Variants in SLC5A2 observed in about 807,000 individuals in gnomAD.
SLC5A2 encodes the protein sodium/glucose cotransporter 2.
In SLC5A2, 67 loss-of-function variants were observed where a neutral mutation model predicts 69.0. The observed-to-expected ratio is 0.97, with a 90% confidence interval of 0.80 to 1.19. SLC5A2 has a LOEUF of 1.19. SLC5A2 is among the 50% of genes most tolerant of loss of function. SLC5A2 has a pLI of 0.00. For synonymous variants in SLC5A2, 455 were observed against 395.8 expected (o/e 1.15, Z -1.78); for missense variants, 1,001 against 921.5 (o/e 1.09, Z -1.12).
At position 31,488,547 on chromosome 16, in the gene SLC5A2, G is replaced by A. The variant is rs1400067507; in HGVS notation, c.1129+57G>A. On this transcript the variant is annotated intron_variant, in intron 9 of 13. Transcript: ENST00000330498. ...TCGCTGCGGAGCCCGCTGCTGGGAG[G>A]GGTCGTCCCTCGCGCAGCTGCAGCC... is the stretch of plus-strand genomic sequence containing the variant. The A allele has an allele frequency of 3.1e-6, 5 of 1,602,950 alleles. No individual in the cohort carries two copies. In the African/African-American group the frequency reaches 4.0e-5, roughly 13 times the overall value.
chr16:31,486,337 G>T, intron 5 of SLC5A2, 62 bp downstream of exon 5: 1 of 1,320,456 alleles, frequency 7.6e-7, no homozygotes, highest in Non-Finnish European at 1.1e-6. Flanking sequence ...TGTGGCCAGG[G>T]TTTAGGGAGC....
At chr16:31,483,399 T>C in intron 1 of SLC5A2, 137 bp downstream of exon 1, 1 of 1,175,880 alleles carries the variant, frequency 8.5e-7, no homozygotes, top group Admixed American at 1.8e-5. Context: ...AAGCAGGTCT[T>C]TGGAAGTTCT....
intron 1 of SLC5A2, among the ~76,000 whole-genome samples, chr16:31,484,434 A>T (rs1339661490): frequency 3.3e-5 from 5 of 151,892 alleles, no homozygotes; most frequent in Non-Finnish European, 7.4e-5. Flanking sequence ...AAAATGAGAA[A>T]AAAAAAAAAA....
In SLC5A2 at chr16:31,487,683, T is replaced by C. The variant is rs2082508971; in HGVS notation, c.809T>C (p.Val270Ala). ...TCCTACCACCTGCTCCGGCACCCCG[T>C]GACCGGGGATCTGCCGTGGCCCGCG... ...PDSYHLLRHP[V>A]TGDLPWPALL... The change falls in exon 7 of 14, where the codon GTG becomes GCG. Residue 270 changes from valine (V) to alanine (A), a missense_variant. Physicochemically the swap from Val to Ala is moderately conservative, Grantham distance 64. Transcript: ENST00000330498. The C allele has an allele frequency of 6.2e-7, 1 of 1,613,606 alleles. No individual in the cohort carries two copies. Among genetic ancestry groups the C allele is most frequent in the Non-Finnish European group, 8.5e-7 (1 of 1,180,004 alleles).
At chr16:31,488,006 C>T (rs753547495) in intron 7 of SLC5A2, 32 bp from the exon 8 acceptor site, 8 of 1,609,408 alleles carry the variant, frequency 5.0e-6, no homozygotes, top group Non-Finnish European at 6.8e-6. Flanking sequence ...AGGGGAGGCC[C>T]GCAAGCGGGC....
intron 5 of SLC5A2, 147 bp from the exon 6 acceptor site, chr16:31,487,173 G>A (rs970429851): frequency 2.4e-6 from 2 of 820,048 alleles, no homozygotes; most frequent in Non-Finnish European, 4.1e-6. Context: ...TGGTGCCTGC[G>A]TGCATGAGCC....
chr16:31,485,066 G>T, intron 3 of SLC5A2, 143 bp downstream of exon 3: 1 of 796,846 alleles, frequency 1.3e-6, no homozygotes, highest in Admixed American at 2.0e-5. Flanking sequence ...GGGAGTGGAG[G>T]TCATACATCT....
Position 31,483,267 on chromosome 16 carries a change from GA to G in SLC5A2, c.126+7del. On this transcript the variant is annotated splice_donor_region_variant and intron_variant, in intron 1 of 13. Coordinates refer to ENST00000330498, the MANE Select transcript of SLC5A2 (RefSeq NM_003041.4). ...GTCATTGGCGTTGGCTTGTGGGTGA[GA>G]AGTTGGGGGGTGTGCTGCTGGTGGC... The G allele has an allele frequency of 6.2e-7, 1 of 1,613,952 alleles. No individual in the cohort carries two copies. Among genetic ancestry groups the G allele is most frequent in the Non-Finnish European group, 8.5e-7 (1 of 1,179,990 alleles).
Position 31,488,761 on chromosome 16 carries a change from G to T in SLC5A2, c.1269G>T (p.Leu423=), listed in dbSNP as rs537643888. Reference sequence around the variant, plus strand: ...CACGCGCCGGCGACCGCGAGCTGCTGCTGGTGGGACGGTGCGGCCTGGGCT... The same window carrying T: ...CACGCGCCGGCGACCGCGAGCTGCTTCTGGTGGGACGGTGCGGCCTGGGCT... ...LRPRAGDREL[L]LVGRLWVVFI... Residue 423 remains leucine (L), a synonymous_variant, in exon 10 of 14, where the codon CTG becomes CTT. Transcript: ENST00000330498. The T allele has an allele frequency of 1.6e-5, 26 of 1,603,432 alleles. No homozygotes were observed. In the South Asian group the frequency reaches 2.1e-4, roughly 13 times the overall value.
At position 31,488,637 on chromosome 16, in the gene SLC5A2, T is replaced by A; in HGVS notation, c.1145T>A (p.Met382Lys). The A allele has an allele frequency of 6.2e-7, 1 of 1,611,314 alleles. No homozygotes were observed. Among genetic ancestry groups the A allele is most frequent in the Non-Finnish European group, 8.5e-7 (1 of 1,179,038 alleles). Residue 382 changes from methionine (M) to lysine (K), a missense_variant, in exon 10 of 14, where the codon ATG becomes AAG. Coordinates refer to ENST00000330498, the MANE Select transcript of SLC5A2 (RefSeq NM_003041.4). ...KLMPNGLRGLMLAVMLAALMS... is the reference protein window; with the variant it reads ...KLMPNGLRGLKLAVMLAALMS... ...CGGCCCGCAGGTCTGCGCGGACTCA[T>A]GCTGGCGGTCATGCTGGCCGCGCTC...
chr16:31,484,227 TAC>T (rs537221545), intron 1 of SLC5A2, among the ~76,000 whole-genome samples: 1,612 of 138,726 alleles, frequency 0.012, 9 homozygotes, highest in Non-Finnish European at 0.013. Context: ...TCTACTAAAA[TAC>T]ACACACACAC....
At position 31,490,568 on chromosome 16, in the gene SLC5A2, C is replaced by T. The variant is rs199886583; in HGVS notation, c.*33C>T. The T allele has an allele frequency of 6.4e-7, 1 of 1,554,710 alleles. No individual in the cohort carries two copies. The highest frequency in any genetic ancestry group is 8.8e-7 in the Non-Finnish European group (1 of 1,135,762). On this transcript the variant is annotated 3_prime_UTR_variant, in exon 14 of 14. Transcript: ENST00000330498. ...TGCGTTGGACACCATAAGCCACAGC[C>T]TCACAGGAAGTGGGGGTGAGGAGCC...
rs1387189880 is a variant in SLC5A2 at position 31,489,015 on chromosome 16, G to A, written c.1416G>A (p.Val472=). The A allele has an allele frequency of 3.1e-6, 5 of 1,600,628 alleles. No homozygotes were observed. The East Asian group carries it at 8.9e-5, about 29-fold the overall frequency. The change falls in exon 11 of 14, where the codon GTG becomes GTA. Residue 472 remains valine (V), a synonymous_variant. Coordinates refer to ENST00000330498, the MANE Select transcript of SLC5A2 (RefSeq NM_003041.4). ...YLAPPVSAVF[V]LALFVPRVNE... ...CACCGCCCGTGTCCGCCGTCTTCGT[G>A]CTGGCGCTCTTCGTGCCGCGCGTTA...
At chr16:31,484,609 GA>G in intron 1 of SLC5A2, 63 bp from the exon 2 acceptor site, 1 of 1,506,370 alleles carries the variant, frequency 6.6e-7, no homozygotes, top group Non-Finnish European at 9.1e-7. Context: ...GGAATGTGTT[GA>G]GGTGGCTGAT....
At chr16:31,489,491 T>C (rs2142634401) in intron 12 of SLC5A2, 153 bp downstream of exon 12, 1 of 702,116 alleles carries the variant, frequency 1.4e-6, no homozygotes, top group Non-Finnish European at 2.5e-6. Flanking sequence ...AGCAAGAATT[T>C]TTATTTAAAT....
In SLC5A2 at chr16:31,483,271, T is replaced by A; in HGVS notation, c.126+9T>A. 1.9e-6 allele frequency: 3 copies of A among 1,609,988 alleles called. No homozygotes were observed. Among genetic ancestry groups the A allele is most frequent in the Non-Finnish European group, 2.5e-6 (3 of 1,178,008 alleles). On this transcript the variant is annotated intron_variant, in intron 1 of 13. Coordinates refer to ENST00000330498, the MANE Select transcript of SLC5A2 (RefSeq NM_003041.4). ...TTGGCGTTGGCTTGTGGGTGAGAAG[T>A]TGGGGGGTGTGCTGCTGGTGGCTGC... is the stretch of plus-strand genomic sequence containing the variant.
At position 31,490,461 on chromosome 16, in the gene SLC5A2, T is replaced by G; in HGVS notation, c.1945T>G (p.Trp649Gly). The stretch of plus-strand genomic sequence containing the variant: ...GGAGGACATCAGCGAGGACCCGAGC[T>G]GGGCCCGTGTGGTCAACCTCAATGC... ...RLEDISEDPS[W>G]ARVVNLNALL... The change falls in exon 14 of 14, where the codon TGG (tryptophan) becomes GGG (glycine). Residue 649 changes from tryptophan (W) to glycine (G), a missense_variant. Transcript: ENST00000330498. 6.2e-7 allele frequency: 1 copy of G among 1,614,028 alleles called. No individual in the cohort carries two copies. Among genetic ancestry groups the G allele is most frequent in the Non-Finnish European group, 8.5e-7 (1 of 1,180,016 alleles).
chr16:31,483,143 G>A lies in SLC5A2; in HGVS notation c.7G>A (p.Glu3Lys). 1.9e-6 allele frequency: 3 copies of A among 1,614,020 alleles called. No individual in the cohort carries two copies. The highest frequency in any genetic ancestry group is 2.5e-6 in the Non-Finnish European group (3 of 1,180,028). ME[E>K]HTEAGSAPEM... ...GGGGCAGATCCTGGGGAGAATGGAG[G>A]AGCACACAGAGGCAGGCTCGGCACC... is the stretch of plus-strand genomic sequence containing the variant. The change falls in exon 1 of 14, where the codon GAG becomes AAG. Residue 3 changes from glutamate to lysine, a missense_variant. By Grantham distance (56) the Glu-to-Lys change is moderately conservative (BLOSUM62 1). Transcript: ENST00000330498.
chr16:31,488,564 G>A (rs1379102890), intron 9 of SLC5A2, 58 bp from the exon 10 acceptor site: 2 of 1,606,146 alleles, frequency 1.2e-6, no homozygotes, highest in East Asian at 4.5e-5. Flanking sequence ...CCCTCGCGCA[G>A]CTGCAGCCGC....
Sources: allele counts gnomAD v4.1 joint callset (sites outside exome capture counted in the v4.1 genomes callset), GRCh38; gene constraint gnomAD v4.1.1; transcripts MANE v1.5; gene names NCBI Gene and HGNC (gene_info 2026-07-23, HGNC 2026-07-21).